Variants in CSMD2 observed in about 807,000 individuals in gnomAD.
CSMD2 encodes CUB and sushi domain-containing protein 2.
A neutral mutation model predicts 398.5 loss-of-function variants in CSMD2; 130 were observed. The observed-to-expected ratio is 0.33, with a 90% CI of 0.28 to 0.38. CSMD2 has a LOEUF of 0.38. CSMD2 is among the 10% of genes least tolerant of loss of function. The pLI is 1.00. For synonymous variants in CSMD2, 1,828 were observed against 1,908.5 expected (o/e 0.96, Z 1.10); for missense variants, 3,829 against 4,764.9 (o/e 0.80, Z 5.78).
chr1:33,776,519 A>G lies in CSMD2; in HGVS notation c.1664-3768T>C, dbSNP rs564020429. ...GTCTGAAGCTGTCACTCTGGAGAAGAGGAAATCATGCCTAGATGGATTGCC... is the reference window on the plus strand; with the variant it reads ...GTCTGAAGCTGTCACTCTGGAGAAGGGGAAATCATGCCTAGATGGATTGCC... On this transcript the variant is annotated intron_variant, in intron 12 of 70. Coordinates refer to ENST00000373381, the MANE Select transcript of CSMD2 (RefSeq NM_001281956.2). Among the ~76,000 whole-genome samples, 14 of 152,266 alleles carry G rather than the reference A, an allele frequency of 9.2e-5. No homozygotes were observed. In the South Asian group the frequency reaches 1.0e-3, roughly 11 times the overall value.
intron 5 of CSMD2, among the ~76,000 whole-genome samples, chr1:33,883,756 C>G (rs764011175): frequency 6.6e-5 from 10 of 152,188 alleles, no homozygotes; most frequent in Non-Finnish European, 1.2e-4. Context: ...AATTGGGAAA[C>G]AAGGCCCCAC....
intron 25 of CSMD2, among the ~76,000 whole-genome samples, chr1:33,682,953 T>C (rs184626258): frequency 4.6e-5 from 7 of 152,302 alleles, no homozygotes; most frequent in Admixed American, 4.6e-4. Flanking sequence ...CCCCACCTTT[T>C]CCCCAGGGGA....
intron 1 of CSMD2, among the ~76,000 whole-genome samples, chr1:34,131,252 T>G (rs564442544): frequency 6.6e-6 from 1 of 152,196 alleles, no homozygotes; most frequent in East Asian, 1.9e-4. Context: ...GAAGAGAGGT[T>G]GGCAGAGCCA....
At chr1:33,758,981 T>C (rs1446084734) in intron 13 of CSMD2, among the ~76,000 whole-genome samples, 2 of 152,178 alleles carry the variant, frequency 1.3e-5, no homozygotes, top group Non-Finnish European at 2.9e-5. Context: ...TCTTGAGATA[T>C]GAGTAATAAA....
chr1:33,577,629 T>C (rs1638377605), intron 48 of CSMD2, 145 bp from the exon 49 acceptor site: 1 of 637,414 alleles, frequency 1.6e-6, no homozygotes, highest in Non-Finnish European at 2.5e-6. Flanking sequence ...AAAGTCTGAA[T>C]GGTGGATATT....
At chr1:33,680,147 C>CATT (rs1644857503) in intron 25 of CSMD2, among the ~76,000 whole-genome samples, 1 of 66,214 alleles carries the variant, frequency 1.5e-5, no homozygotes, top group African/African-American at 6.3e-5. Context: ...GATGGCCTCG[C>CATT]CTTTTTTTTT....
chr1:33,880,208 G>T (rs562781882), intron 5 of CSMD2, among the ~76,000 whole-genome samples: 2 of 152,250 alleles, frequency 1.3e-5, no homozygotes, highest in Admixed American at 6.5e-5. Flanking sequence ...TGAGTGTATG[G>T]CTCCCAAGTC....
chr1:33,544,199 C>T (rs1215628308), intron 57 of CSMD2, among the ~76,000 whole-genome samples: 8 of 150,790 alleles, frequency 5.3e-5, no homozygotes, highest in Non-Finnish European at 8.8e-5. Flanking sequence ...CTCCGCCTCC[C>T]GGGTTCATGC....
intron 49 of CSMD2, among the ~76,000 whole-genome samples, chr1:33,573,701 G>A (rs1659809116): frequency 6.6e-6 from 1 of 152,150 alleles, no homozygotes; most frequent in East Asian, 1.9e-4. Context: ...GCATCCAACT[G>A]TTCAGAGCTC....
At chr1:33,798,363 A>G (rs1655197773) in intron 10 of CSMD2, among the ~76,000 whole-genome samples, 3 of 152,236 alleles carry the variant, frequency 2.0e-5, no homozygotes, top group Non-Finnish European at 2.9e-5. Context: ...GCTGCTTCCC[A>G]TAAGTTATCT....
chr1:33,920,952 G>C (rs1162289849), intron 4 of CSMD2, among the ~76,000 whole-genome samples: 2 of 152,200 alleles, frequency 1.3e-5, no homozygotes, highest in Non-Finnish European at 2.9e-5. Context: ...AGGGGAGAGG[G>C]TGTTTTAGGC....
intron 29 of CSMD2, among the ~76,000 whole-genome samples, chr1:33,637,134 C>T (rs1397892655): frequency 6.6e-6 from 1 of 152,184 alleles, no homozygotes; most frequent in Non-Finnish European, 1.5e-5. Context: ...ATCTGTTCTG[C>T]AGGCCCAGTC....
chr1:33,844,424 T>C (rs1178624506), intron 6 of CSMD2, among the ~76,000 whole-genome samples: 1 of 152,240 alleles, frequency 6.6e-6, no homozygotes, highest in African/African-American at 2.4e-5. Flanking sequence ...CAAAGAATTA[T>C]CCAGCTCACA....
chr1:33,532,887 G>T (rs761862070), intron 64 of CSMD2, among the ~76,000 whole-genome samples, 163 bp downstream of exon 64: 1 of 152,214 alleles, frequency 6.6e-6, no homozygotes, highest in Non-Finnish European at 1.5e-5. Flanking sequence ...TTTTTAGACC[G>T]CTCTGCTTTG....
intron 6 of CSMD2, among the ~76,000 whole-genome samples, chr1:33,837,161 T>C (rs904438091): frequency 1.3e-5 from 2 of 152,070 alleles, no homozygotes; most frequent in African/African-American, 2.4e-5. Context: ...GATCATGGAA[T>C]GTGCAGCACC....
intron 15 of CSMD2, among the ~76,000 whole-genome samples, chr1:33,728,400 CTTATA>C (rs1322497575): frequency 1.3e-5 from 2 of 151,718 alleles, no homozygotes; most frequent in African/African-American, 4.8e-5. Context: ...TTAATAGAAA[CTTATA>C]TTAGGAAGTT....
chr1:34,091,527 A>G (rs987433248), intron 1 of CSMD2, among the ~76,000 whole-genome samples: 1 of 152,188 alleles, frequency 6.6e-6, no homozygotes, highest in East Asian at 1.9e-4. Context: ...CATGATGCTG[A>G]TAAATTGACT....
chr1:33,689,345 C>T (rs1281730299), intron 25 of CSMD2, among the ~76,000 whole-genome samples: 1 of 152,190 alleles, frequency 6.6e-6, no homozygotes, highest in East Asian at 1.9e-4. Flanking sequence ...TCCAAGAAGC[C>T]ATCCAGACTA....
intron 13 of CSMD2, among the ~76,000 whole-genome samples, chr1:33,746,028 G>C (rs1336770376): frequency 6.6e-6 from 1 of 152,156 alleles, no homozygotes; most frequent in African/African-American, 2.4e-5. Context: ...CCTGATTCTA[G>C]AGACCAAGCT....
Sources: gnomAD v4.1 joint callset for allele counts (sites outside exome capture counted in the v4.1 genomes callset) on GRCh38, gnomAD v4.1.1 for gene constraint, MANE v1.5 for transcripts, NCBI Gene and HGNC (gene_info 2026-07-23, HGNC 2026-07-21) for gene names.